The following GPC6 variants were observed in gnomAD, a reference collection of about 807,000 sequenced individuals.
The protein encoded by GPC6 is glypican 6, also known as glypican-6.
GPC6 carries 14 observed loss-of-function variants against 55.2 expected under a neutral mutation model. That is an observed-to-expected ratio of 0.25 (90% CI 0.17 to 0.40). The LOEUF (loss-of-function observed/expected upper bound fraction) is 0.40, where lower values mean the gene tolerates loss of function less well. Ranked by LOEUF, GPC6 falls within the 10% of genes least tolerant of loss-of-function variation. GPC6 has a pLI of 1.00. For missense variants in GPC6, 641 were observed against 708.5 expected, an observed-to-expected ratio of 0.90 and a Z score of 1.08; for synonymous variants, 278 against 259.6, an observed-to-expected ratio of 1.07 and a Z score of -0.68.
chr13:93,716,707 T>G (rs1566501319), intron 2 of GPC6, among the ~76,000 whole-genome samples: 1 of 151,624 alleles, frequency 6.6e-6, no homozygotes, highest in Admixed American at 6.6e-5. Flanking sequence ...TAAGTCTTTG[T>G]AAGTTTAGTA....
intron 1 of GPC6, among the ~76,000 whole-genome samples, chr13:93,379,589 G>T (rs1875068774): frequency 6.6e-6 from 1 of 152,124 alleles, no homozygotes; most frequent in African/African-American, 2.4e-5. Flanking sequence ...TGAATTTAGA[G>T]AACCTAGAAT....
chr13:93,430,662 C>T (rs747517663), intron 1 of GPC6, among the ~76,000 whole-genome samples: 1 of 152,092 alleles, frequency 6.6e-6, no homozygotes, highest in East Asian at 1.9e-4. Flanking sequence ...CTTGGCAGAA[C>T]GTACCAATAG....
chr13:93,218,073 C>G, the GPC6 span, among the ~76,000 whole-genome samples: 18 of 149,606 alleles, frequency 1.2e-4, no homozygotes, highest in Non-Finnish European at 2.4e-4. Flanking sequence ...TCCCTGGAAA[C>G]AGATCATTAG....
chr13:93,896,583 A>C (rs1185968735), intron 3 of GPC6, among the ~76,000 whole-genome samples: 2 of 152,096 alleles, frequency 1.3e-5, no homozygotes, highest in Non-Finnish European at 2.9e-5. Context: ...TAATACGTAA[A>C]TGTTATATTT....
intron 1 of GPC6, among the ~76,000 whole-genome samples, chr13:93,264,087 G>A (rs906490570): frequency 3.3e-5 from 5 of 152,064 alleles, no homozygotes; most frequent in African/African-American, 1.2e-4. Context: ...GGGGCCCTTG[G>A]TAGTTTTTCA....
At position 93,415,549 on chromosome 13, in the gene GPC6, T is replaced by C. The variant is rs141736032; in HGVS notation, c.161-129714T>C. 3.4e-3 allele frequency among the ~76,000 whole-genome samples: 523 copies of C among 152,220 alleles called. 2 individuals carry two copies. Among genetic ancestry groups the C allele is most frequent in the Non-Finnish European group, 5.8e-3 (394 of 67,978 alleles). On this transcript the variant is annotated intron_variant, in intron 1 of 8. Transcript: ENST00000377047. Reference sequence around the variant, plus strand: ...TTCTCTATGATTAATTTTCAGAAGATTAGTCACTGGGTTAAATAGTATGAA... The same window carrying C: ...TTCTCTATGATTAATTTTCAGAAGACTAGTCACTGGGTTAAATAGTATGAA...
chr13:93,325,163 G>A (rs1301375479), intron 1 of GPC6, among the ~76,000 whole-genome samples: 1 of 152,064 alleles, frequency 6.6e-6, no homozygotes, highest in African/African-American at 2.4e-5. Flanking sequence ...AATTTATTTG[G>A]ATTTGTATCA....
chr13:93,680,502 G>C (rs996323112), intron 2 of GPC6, among the ~76,000 whole-genome samples: 15 of 152,262 alleles, frequency 9.9e-5, no homozygotes, highest in Admixed American at 1.3e-4. Context: ...TAGGTTTAGA[G>C]GAATTTGGCT....
intron 4 of GPC6, among the ~76,000 whole-genome samples, chr13:94,157,545 G>T (rs1187926772): frequency 2.0e-5 from 3 of 152,138 alleles, no homozygotes; most frequent in African/African-American, 7.2e-5. Flanking sequence ...AGTGGGCAGT[G>T]GAGACTGGCA....
At chr13:94,256,252 A>G (rs1438172458) in intron 4 of GPC6, among the ~76,000 whole-genome samples, 3 of 152,204 alleles carry the variant, frequency 2.0e-5, no homozygotes, top group Non-Finnish European at 4.4e-5. Flanking sequence ...AGTTCCTGTA[A>G]CAGGGCAGGG....
intron 1 of GPC6, among the ~76,000 whole-genome samples, chr13:93,298,045 G>A (rs1878553968): frequency 6.6e-6 from 1 of 152,202 alleles, no homozygotes; most frequent in Non-Finnish European, 1.5e-5. Context: ...GGAGGAAAGA[G>A]AAAGCAGTAA....
intron 1 of GPC6, among the ~76,000 whole-genome samples, chr13:93,523,298 A>G (rs1002134757): frequency 6.6e-6 from 1 of 150,612 alleles, no homozygotes; most frequent in Non-Finnish European, 1.5e-5. Context: ...TGTAAATAAC[A>G]TATAAGGGTA....
At chr13:93,338,926 A>G (rs1244692748) in intron 1 of GPC6, among the ~76,000 whole-genome samples, 1 of 152,154 alleles carries the variant, frequency 6.6e-6, no homozygotes, top group Non-Finnish European at 1.5e-5. Flanking sequence ...AGAGAGAGCA[A>G]TTGGAGGAAC....
intron 1 of GPC6, among the ~76,000 whole-genome samples, chr13:93,249,684 G>C (rs1876718787): frequency 6.6e-6 from 1 of 152,210 alleles, no homozygotes. Flanking sequence ...CCACTTTCCA[G>C]TGGTAACTAG....
At chr13:94,118,471 G>A (rs1170449760) in intron 4 of GPC6, among the ~76,000 whole-genome samples, 1 of 152,040 alleles carries the variant, frequency 6.6e-6, no homozygotes, top group African/African-American at 2.4e-5. Flanking sequence ...CATGAGAATG[G>A]ACTAATACAG....
upstream of GPC6, among the ~76,000 whole-genome samples, chr13:93,222,767 G>A (rs1169635030): frequency 1.3e-5 from 2 of 152,174 alleles, no homozygotes; most frequent in African/African-American, 4.8e-5. Context: ...CTTGTAAACA[G>A]TAGAATAACC....
intron 3 of GPC6, among the ~76,000 whole-genome samples, chr13:93,913,436 C>A (rs1367172586): frequency 6.6e-6 from 1 of 152,180 alleles, no homozygotes; most frequent in African/African-American, 2.4e-5. Flanking sequence ...ACATCCTTTG[C>A]AAATCCTGGA....
intron 2 of GPC6, among the ~76,000 whole-genome samples, chr13:93,584,481 A>G (rs1446608494): frequency 6.6e-6 from 1 of 152,064 alleles, no homozygotes; most frequent in Non-Finnish European, 1.5e-5. Context: ...GGATAATGGA[A>G]TGTGTGTCTG....
At chr13:93,686,745 CT>C (rs749853841) in intron 2 of GPC6, among the ~76,000 whole-genome samples, 3 of 152,034 alleles carry the variant, frequency 2.0e-5, no homozygotes, top group Non-Finnish European at 4.4e-5. Context: ...TCTACATTTT[CT>C]TTTGAGGTGG....
Sources: allele counts gnomAD v4.1 joint callset (sites outside exome capture counted in the v4.1 genomes callset), GRCh38; gene constraint gnomAD v4.1.1; transcripts MANE v1.5; gene names NCBI Gene and HGNC (gene_info 2026-07-23, HGNC 2026-07-21).